TMPRSS3: variants seen among roughly 807,000 people sequenced by gnomAD.
The protein encoded by TMPRSS3 is transmembrane protease serine 3.
TMPRSS3 carries 55 observed loss-of-function variants against 59.6 expected under a neutral mutation model. The observed-to-expected ratio is 0.92, with a 90% CI of 0.74 to 1.16. The LOEUF (loss-of-function observed/expected upper bound fraction) is 1.16. Ranked by LOEUF, TMPRSS3 falls within the 50% of genes most tolerant of loss-of-function variation. The pLI, the probability that TMPRSS3 is intolerant of heterozygous loss-of-function variation, is 0.00. For synonymous variants in TMPRSS3, 257 were observed against 237.7 expected, an observed-to-expected ratio of 1.08 and a Z score of -0.75; for missense variants, 596 against 579.4, an observed-to-expected ratio of 1.03 and a Z score of -0.29.
At position 42,384,739 on chromosome 21, in the gene TMPRSS3, C is replaced by T. The variant is rs1158582185; in HGVS notation, c.572+670G>A. ...GGACAGACCAACAAGCCTACTGTTC[C>T]CAGAGCAGAAAATGCACATCTTAGG... is the stretch of plus-strand genomic sequence containing the variant. On this transcript the variant is annotated intron_variant, in intron 6 of 12. Transcript: ENST00000644384. Among the ~76,000 whole-genome samples the T allele has an allele frequency of 2.6e-5, 4 of 152,122 alleles. No homozygotes were observed. In the East Asian group the frequency reaches 7.7e-4, roughly 29 times the overall value.
intron 12 of TMPRSS3, among the ~76,000 whole-genome samples, chr21:42,373,034 C>T (rs1345830125): frequency 6.6e-6 from 1 of 152,198 alleles, no homozygotes; most frequent in East Asian, 1.9e-4. Context: ...TAGGAAACTT[C>T]CAGGTCTCGG....
At chr21:42,382,324 G>C in intron 8 of TMPRSS3, 90 bp from the exon 9 acceptor site, 4 of 1,192,602 alleles carry the variant, frequency 3.4e-6, no homozygotes, top group African/African-American at 3.0e-5. Context: ...TAGGAAGATG[G>C]TGGGAGAGGT....
intron 12 of TMPRSS3, among the ~76,000 whole-genome samples, chr21:42,374,283 C>T (rs370068033): frequency 4.6e-5 from 7 of 152,232 alleles, no homozygotes; most frequent in African/African-American, 1.4e-4. Flanking sequence ...CCACCCAGCC[C>T]GAGCACAGCC....
chr21:42,383,655 C>A, intron 7 of TMPRSS3: 1 of 591,880 alleles, frequency 1.7e-6, no homozygotes. Context: ...GGAGTGGGCA[C>A]TGTGCACGTG....
intron 5 of TMPRSS3, 74 bp from the exon 6 acceptor site, chr21:42,385,608 A>G: frequency 6.3e-7 from 1 of 1,576,298 alleles, no homozygotes; most frequent in East Asian, 2.2e-5. Flanking sequence ...TGTGCGAGTC[A>G]CAATATTACA....
chr21:42,385,451 G>A lies in TMPRSS3; in HGVS notation c.530C>T (p.Pro177Leu). The change falls in exon 6 of 13, where the codon CCA becomes CTA. Residue 177 changes from proline (P) to leucine (L), a missense_variant. Coordinates refer to ENST00000644384, the MANE Select transcript of TMPRSS3 (RefSeq NM_001256317.3). ...EEFVSIDHLL[P>L]DDKVTALHHS... ...GTGTAATGCAGTCACCTTGTCATCT[G>A]GCAAGAGGTGATCGATGGACACAAA... 6.2e-7 allele frequency: 1 copy of A among 1,614,086 alleles called. No individual in the cohort carries two copies. The highest frequency in any genetic ancestry group is 8.5e-7 in the Non-Finnish European group (1 of 1,180,018).
At chr21:42,382,280 A>G (rs753907419) in intron 8 of TMPRSS3, 46 bp from the exon 9 acceptor site, 1 of 1,562,282 alleles carries the variant, frequency 6.4e-7, no homozygotes, top group South Asian at 1.1e-5. Context: ...AAGTCCAACC[A>G]CTGAACTCAT....
At chr21:42,383,317 A>C in intron 7 of TMPRSS3, 119 bp from the exon 8 acceptor site, 7 of 1,105,252 alleles carry the variant, frequency 6.3e-6, no homozygotes, top group Non-Finnish European at 9.3e-6. Context: ...CCCAGAGCTC[A>C]CAGCAGCTCT....
At chr21:42,373,853 C>T (rs2052376784) in intron 12 of TMPRSS3, among the ~76,000 whole-genome samples, 1 of 152,168 alleles carries the variant, frequency 6.6e-6, no homozygotes, top group Admixed American at 6.5e-5. Flanking sequence ...GCGGGCTCCC[C>T]AGACTGATTT....
In TMPRSS3 at chr21:42,376,879, G is replaced by A. The variant is rs184951299; in HGVS notation, c.1049-196C>T. On this transcript the variant is annotated intron_variant, in intron 10 of 12. Coordinates refer to ENST00000644384, the MANE Select transcript of TMPRSS3 (RefSeq NM_001256317.3). ...CACTGTCTCGAAGCACCTCAAGCCCGAGCTTGCCCTCCTACGAGTGGCCGC... is the reference window on the plus strand; with the variant it reads ...CACTGTCTCGAAGCACCTCAAGCCCAAGCTTGCCCTCCTACGAGTGGCCGC... Among the ~76,000 whole-genome samples, 119 of 152,302 alleles carry A rather than the reference G, an allele frequency of 7.8e-4. No individual in the cohort carries two copies. The Middle Eastern group carries it at 0.014, about 17-fold the overall frequency.
intron 2 of TMPRSS3, among the ~76,000 whole-genome samples, chr21:42,394,447 A>G (rs909804204): frequency 2.0e-5 from 3 of 152,214 alleles, no homozygotes; most frequent in Non-Finnish European, 4.4e-5. Flanking sequence ...TTGCAGACAT[A>G]AAAACCAGGT....
At chr21:42,394,857 C>T (rs907422974) in intron 2 of TMPRSS3, among the ~76,000 whole-genome samples, 2 of 152,224 alleles carry the variant, frequency 1.3e-5, no homozygotes, top group Non-Finnish European at 2.9e-5. Context: ...GACTTATTTA[C>T]GAAACCAACT....
At chr21:42,374,651 A>G (rs2052390281) in intron 12 of TMPRSS3, among the ~76,000 whole-genome samples, 1 of 152,028 alleles carries the variant, frequency 6.6e-6, no homozygotes, top group Non-Finnish European at 1.5e-5. Flanking sequence ...AATGCTGGGA[A>G]CTGACAAAGG....
At chr21:42,378,048 G>A (rs1161107127) in intron 10 of TMPRSS3, among the ~76,000 whole-genome samples, 1 of 152,234 alleles carries the variant, frequency 6.6e-6, no homozygotes, top group African/African-American at 2.4e-5. Flanking sequence ...GAGAGGAAGG[G>A]GAGCGTAGAT....
At chr21:42,382,781 A>G (rs2052555627) in intron 8 of TMPRSS3, 1 of 572,160 alleles carries the variant, frequency 1.7e-6, no homozygotes, top group African/African-American at 1.9e-5. Context: ...CCAGCACAGG[A>G]GCTTCCTTCC....
chr21:42,383,683 C>A (rs2052574993), intron 7 of TMPRSS3: 4 of 638,222 alleles, frequency 6.3e-6, no homozygotes, highest in South Asian at 1.7e-5. Flanking sequence ...GAAGTGGGAA[C>A]TGAGTCAGGG....
At chr21:42,380,258 T>C (rs1241458506) in intron 9 of TMPRSS3, 46 bp from the exon 10 acceptor site, 1 of 1,511,086 alleles carries the variant, frequency 6.6e-7, no homozygotes, top group Non-Finnish European at 9.2e-7. Context: ...GAAGCAGGAG[T>C]CCGAGAAAAC....
At chr21:42,389,335 G>A (rs774518343) in intron 3 of TMPRSS3, among the ~76,000 whole-genome samples, 6 of 152,200 alleles carry the variant, frequency 3.9e-5, no homozygotes, top group South Asian at 2.1e-4. Context: ...ACTGCATGGC[G>A]GGGGGCCGAC....
chr21:42,381,606 CAGGTGGCACCAACAGGGAGA>C (rs1273257325), intron 9 of TMPRSS3, among the ~76,000 whole-genome samples: 18 of 152,274 alleles, frequency 1.2e-4, no homozygotes, highest in South Asian at 4.2e-4. Flanking sequence ...TTTCTGCCTC[CAGGTGGCACCAACAGGGAGA>C]AGGTGGCACC....
Sources: gnomAD v4.1 joint callset for allele counts (sites outside exome capture counted in the v4.1 genomes callset) on GRCh38, gnomAD v4.1.1 for gene constraint, MANE v1.5 for transcripts, NCBI Gene and HGNC (gene_info 2026-07-23, HGNC 2026-07-21) for gene names.